The following DDX59 variants were observed in gnomAD, a reference collection of about 807,000 sequenced individuals.
DDX59 encodes DEAD-box helicase 59, also known as probable ATP-dependent RNA helicase DDX59.
A neutral mutation model predicts 51.9 loss-of-function variants in DDX59; 30 were observed. The ratio of observed to expected loss-of-function variants is 0.58; its 90% CI spans 0.43 to 0.78. The LOEUF (loss-of-function observed/expected upper bound fraction) is 0.78, where lower values mean the gene tolerates loss of function less well. Among genes scored for constraint, DDX59 ranks in the 30% least tolerant of loss-of-function variants. The pLI, the probability that DDX59 is intolerant of heterozygous loss-of-function variation, is 0.00. For missense variants in DDX59, 672 were observed against 730.8 expected (o/e 0.92, Z 0.93); for synonymous variants, 255 against 253.3 (o/e 1.01, Z -0.06).
In DDX59 at chr1:200,659,053, C is replaced by A; in HGVS notation, c.1036G>T (p.Gly346Cys). The change falls in exon 4 of 8, where the codon GGT becomes TGT. Residue 346 changes from glycine to cysteine, a missense_variant. Physicochemically the swap from Gly to Cys is radical, Grantham distance 159. Coordinates refer to ENST00000331314, the MANE Select transcript of DDX59 (RefSeq NM_001031725.6). ...TCATCTACTACCACAATCTTTACACCACAGAGTTCTACAGAGCTCTGCTTT... is the reference window on the plus strand; with the variant it reads ...TCATCTACTACCACAATCTTTACACAACAGAGTTCTACAGAGCTCTGCTTT... ...IIKQSSVELC[G>C]VKIVVVDEAD... 1 of 1,613,012 alleles carries A rather than the reference C, an allele frequency of 6.2e-7. No homozygotes were observed. Among genetic ancestry groups the A allele is most frequent in the South Asian group, 1.1e-5 (1 of 90,842 alleles).
Position 200,663,848 on chromosome 1 carries a change from G to A in DDX59, c.972+71C>T, listed in dbSNP as rs1176750151. The A allele has an allele frequency of 3.7e-6, 5 of 1,364,364 alleles. No individual in the cohort carries two copies. In the Admixed American group the frequency reaches 1.2e-4, roughly 32 times the overall value. 84.5% of individuals were successfully genotyped at this position (1,364,364 alleles called of 1,614,324 possible). A position where few individuals can be genotyped will look rare whatever the true frequency, so the allele number is the denominator to read the frequency against. On this transcript the variant is annotated intron_variant, in intron 3 of 7. Transcript: ENST00000331314. ...ATCATACTTTTAAAAATTCTTCAAG[G>A]GGAAAAAAAACACTAGTTCCTGTAT... is the stretch of plus-strand genomic sequence containing the variant.
rs753748597 is a variant in DDX59, at chr1:200,666,498, C to T, written c.243G>A (p.Ala81=). Residue 81 remains alanine (A), a synonymous_variant, in exon 2 of 8, where the codon GCG becomes GCA. Transcript: ENST00000331314. The stretch of plus-strand genomic sequence containing the variant: ...GCTCTTCAGAAGGATGGCTGTCCTT[C>T]GCACCCTGCTCGGGACTTACTGAAT... ...EVHSVSPEQG[A]KDSHPSEEPV... 17 of 1,614,062 alleles carry T rather than the reference C, an allele frequency of 1.1e-5. No individual in the cohort carries two copies. Among genetic ancestry groups the T allele is most frequent in the African/African-American group, 8.0e-5 (6 of 74,916 alleles).
In DDX59 at chr1:200,663,916, T is replaced by C. The variant is rs1558129235; in HGVS notation, c.972+3A>G. ...AAAGACATTGTATCAAATCAGTGCT[T>C]ACCTTAACATGTTGTTGCAGACGAT... is the stretch of plus-strand genomic sequence containing the variant. On this transcript the variant is annotated splice_donor_region_variant and intron_variant, in intron 3 of 7. Coordinates refer to ENST00000331314, the MANE Select transcript of DDX59 (RefSeq NM_001031725.6). The C allele has an allele frequency of 1.2e-6, 2 of 1,604,062 alleles. No homozygotes were observed. The highest frequency in any genetic ancestry group is 1.3e-5 in the African/African-American group (1 of 74,478).
intron 6 of DDX59, 41 bp downstream of exon 6, chr1:200,649,033 A>C (rs756551185): frequency 1.3e-6 from 2 of 1,489,978 alleles, no homozygotes; most frequent in East Asian, 2.4e-5. Context: ...GAGGCAGAAC[A>C]GATTTATAGA....
chr1:200,669,907 CGGAGCGGAGCGTAGA>C (rs1052248142), upstream of DDX59: 58 of 119,450 alleles, frequency 4.9e-4, no homozygotes, highest in Middle Eastern at 4.5e-3. Flanking sequence ...CGGAGCGGAG[CGGAGCGGAGCGTAGA>C]GTAGAATCCA....
intron 7 of DDX59, among the ~76,000 whole-genome samples, chr1:200,646,551 A>G (rs1438539620): frequency 2.0e-5 from 3 of 152,248 alleles, no homozygotes; most frequent in Non-Finnish European, 4.4e-5. Context: ...GCAAGTCAAA[A>G]TATAAGGAGG....
chr1:200,664,352 A>C (rs1225281602), intron 2 of DDX59, among the ~76,000 whole-genome samples: 1 of 152,200 alleles, frequency 6.6e-6, no homozygotes, highest in Non-Finnish European at 1.5e-5. Flanking sequence ...AGAAAACTGA[A>C]GGTTTGCTCC....
chr1:200,656,869 C>A (rs965802323), intron 4 of DDX59, among the ~76,000 whole-genome samples: 1 of 152,108 alleles, frequency 6.6e-6, no homozygotes, highest in African/African-American at 2.4e-5. Flanking sequence ...GCCTGGGCAA[C>A]ATAGCAAGAC....
intron 4 of DDX59, among the ~76,000 whole-genome samples, chr1:200,654,137 G>C (rs769988003): frequency 6.6e-6 from 1 of 152,230 alleles, no homozygotes; most frequent in Non-Finnish European, 1.5e-5. Context: ...TGAAGGGCCG[G>C]GCGTGGTGGC....
chr1:200,665,537 C>T (rs1662671672), intron 2 of DDX59, among the ~76,000 whole-genome samples: 1 of 151,778 alleles, frequency 6.6e-6, no homozygotes, highest in South Asian at 2.1e-4. Context: ...TCTATGTGTT[C>T]CAACTTCAGT....
chr1:200,663,781 A>AAAC (rs1662528744), intron 3 of DDX59, 138 bp downstream of exon 3: 2 of 950,508 alleles, frequency 2.1e-6, no homozygotes, highest in Non-Finnish European at 1.4e-6. Flanking sequence ...AAAAAAAAAA[A>AAAC]AACCTAAGGC....
chr1:200,661,673 C>G (rs1429985802), intron 3 of DDX59, among the ~76,000 whole-genome samples: 1 of 152,160 alleles, frequency 6.6e-6, no homozygotes, highest in African/African-American at 2.4e-5. Flanking sequence ...CAACTAAATG[C>G]AACATGTGAT....
At chr1:200,664,148 A>G (rs1662561958) in intron 2 of DDX59, 62 bp from the exon 3 acceptor site, 2 of 1,537,504 alleles carry the variant, frequency 1.3e-6, no homozygotes, top group Admixed American at 3.8e-5. Flanking sequence ...GATATGAACT[A>G]AATCTTCACA....
chr1:200,654,736 G>C (rs1476494687), intron 4 of DDX59: 1 of 152,484 alleles, frequency 6.6e-6, no homozygotes, highest in East Asian at 1.9e-4. Flanking sequence ...CCAGGCCAAA[G>C]GACAGGTATG....
chr1:200,642,172 G>C (rs76315228), downstream of DDX59, among the ~76,000 whole-genome samples: 3,968 of 152,200 alleles, frequency 0.026, 67 homozygotes, highest in Middle Eastern at 0.051. Flanking sequence ...TGGCAATAAA[G>C]CAACCAATTC....
intron 1 of DDX59, 48 bp downstream of exon 1, chr1:200,669,719 A>G (rs6661240): frequency 0.44 from 66,473 of 152,338 alleles, 15,162 homozygotes; most frequent in East Asian, 0.71. Context: ...GGTCCCGGAG[A>G]AGGGGCACCA....
At position 200,664,079 on chromosome 1, in the gene DDX59, G is replaced by A; in HGVS notation, c.812C>T (p.Thr271Ile). 6.2e-7 allele frequency: 1 copy of A among 1,610,624 alleles called. No individual in the cohort carries two copies. Residue 271 changes from threonine (T) to isoleucine (I), a missense_variant, in exon 3 of 8, where the codon ACT becomes ATT. Transcript: ENST00000331314. ...VIMRALFESK[T>I]PSALILTPTR... is the part of the protein sequence containing the mutation. ...TGGTGTAAGAATGAGCGCAGATGGA[G>A]TTTTGCTCTGCAAAGATGTGAAAAA... is the stretch of plus-strand genomic sequence containing the variant.
chr1:200,644,175 T>G lies in DDX59; in HGVS notation c.*79A>C, dbSNP rs541975251. On this transcript the variant is annotated 3_prime_UTR_variant, in exon 8 of 8. Coordinates refer to ENST00000331314, the MANE Select transcript of DDX59 (RefSeq NM_001031725.6). ...AATATCTTAAAATTTTTAAAATTCA[T>G]GTACATTTCCATTTATGCAAACCAT... The G allele has an allele frequency of 8.9e-7, 1 of 1,125,198 alleles. No homozygotes were observed. The highest frequency in any genetic ancestry group is 1.1e-6 in the Non-Finnish European group (1 of 873,810). 69.7% of individuals were successfully genotyped at this position (1,125,198 alleles called of 1,614,324 possible). A position where few individuals can be genotyped will look rare whatever the true frequency, so the allele number is the denominator to read the frequency against.
At chr1:200,663,866 T>G in intron 3 of DDX59, 53 bp downstream of exon 3, 1 of 1,443,536 alleles carries the variant, frequency 6.9e-7, no homozygotes, top group Non-Finnish European at 9.1e-7. Flanking sequence ...AAACACTAGT[T>G]CCTGTATTGC....
Sources: gnomAD v4.1 joint callset for allele counts (sites outside exome capture counted in the v4.1 genomes callset) on GRCh38, gnomAD v4.1.1 for gene constraint, MANE v1.5 for transcripts, NCBI Gene and HGNC (gene_info 2026-07-23, HGNC 2026-07-21) for gene names.